Variants in PKIB observed in about 807,000 individuals in gnomAD.
PKIB encodes cAMP-dependent protein kinase inhibitor beta, also known as PKI-beta.
Under a neutral mutation model 4.5 loss-of-function variants are expected in PKIB, and 2 were observed. The observed-to-expected ratio is 0.44, with a 90% CI of 0.18 to 1.39. The LOEUF (loss-of-function observed/expected upper bound fraction) is 1.39. Ranked by LOEUF, PKIB falls within the 40% of genes most tolerant of loss-of-function variation. PKIB has a pLI of 0.27. For missense variants in PKIB, 94 were observed against 92.6 expected, an observed-to-expected ratio of 1.02 and a Z score of -0.06; for synonymous variants, 38 against 36.0, an observed-to-expected ratio of 1.06 and a Z score of -0.20.
rs76417538 is a variant in PKIB at position 122,499,895 on chromosome 6, A to T, written c.-248+21956A>T. ...GATACAAAATTTATGTACAAAAATC[A>T]GTAGCAATAACATTTAAGTGGAGAT... On this transcript the variant is annotated intron_variant, in intron 2 of 6. Coordinates refer to the PKIB transcript ENST00000392491. Among the ~76,000 whole-genome samples the T allele has an allele frequency of 4.9e-3, 750 of 152,328 alleles. 7 individuals are homozygous for T. The highest frequency in any genetic ancestry group is 0.017 in the African/African-American group (708 of 41,584).
At chr6:122,494,786 T>C (rs562237222) in intron 2 of PKIB, among the ~76,000 whole-genome samples, 22 of 152,162 alleles carry the variant, frequency 1.4e-4, no homozygotes, top group African/African-American at 4.6e-4. Context: ...TCAGAACTGG[T>C]GTGGAGCCAG....
intron 2 of PKIB, among the ~76,000 whole-genome samples, chr6:122,579,541 C>A (rs755662523): frequency 5.9e-5 from 9 of 152,094 alleles, no homozygotes; most frequent in African/African-American, 1.9e-4. Flanking sequence ...GTATATTACT[C>A]ATATTTATGG....
chr6:122,722,732 G>A (rs1318814051), intron 4 of PKIB, among the ~76,000 whole-genome samples: 1 of 152,028 alleles, frequency 6.6e-6, no homozygotes, highest in East Asian at 1.9e-4. Flanking sequence ...TGATTGTTAG[G>A]GTGCAAATTC....
chr6:122,629,076 T>G (rs909098370), intron 1 of PKIB, among the ~76,000 whole-genome samples: 1 of 152,114 alleles, frequency 6.6e-6, no homozygotes, highest in Admixed American at 6.6e-5. Context: ...AATAATCAGC[T>G]GGGGAAATGA....
At chr6:122,594,966 C>T (rs968215579) in intron 3 of PKIB, among the ~76,000 whole-genome samples, 1 of 152,184 alleles carries the variant, frequency 6.6e-6, no homozygotes, top group East Asian at 1.9e-4. Flanking sequence ...GGTAGAAGGA[C>T]CCCAAAGTGT....
intron 3 of PKIB, chr6:122,701,096 C>T (rs749270108): frequency 1.5e-5 from 3 of 194,162 alleles, no homozygotes; most frequent in East Asian, 1.3e-4. Context: ...ATCTGCACCT[C>T]GATGCCCTTC....
chr6:122,491,013 G>T (rs1184509639), intron 2 of PKIB, among the ~76,000 whole-genome samples: 2 of 152,078 alleles, frequency 1.3e-5, no homozygotes, highest in Non-Finnish European at 2.9e-5. Flanking sequence ...AAAATTTGAG[G>T]GGCATAAAGG....
chr6:122,714,482 A>C (rs1779399823), intron 3 of PKIB, among the ~76,000 whole-genome samples: 1 of 152,206 alleles, frequency 6.6e-6, no homozygotes, highest in African/African-American at 2.4e-5. Flanking sequence ...TACAAAAAGG[A>C]CTAATTAGAA....
chr6:122,702,794 A>T (rs931547883), intron 3 of PKIB, among the ~76,000 whole-genome samples: 1 of 152,192 alleles, frequency 6.6e-6, no homozygotes, highest in Non-Finnish European at 1.5e-5. Flanking sequence ...TGAGAAGAAT[A>T]TATTTTAGTA....
chr6:122,609,226 C>T (rs1052472127), upstream of PKIB, among the ~76,000 whole-genome samples: 2 of 152,108 alleles, frequency 1.3e-5, no homozygotes, highest in African/African-American at 4.8e-5. Context: ...GCTTTATTAG[C>T]AGAGTATAAT....
At chr6:122,485,465 T>G (rs564104979) in intron 2 of PKIB, among the ~76,000 whole-genome samples, 69 of 152,320 alleles carry the variant, frequency 4.5e-4, no homozygotes, top group African/African-American at 1.5e-3. Flanking sequence ...CAAAGTGGCA[T>G]CATTCTTTAG....
chr6:122,707,371 T>A (rs1363106781), intron 3 of PKIB, among the ~76,000 whole-genome samples: 1 of 152,076 alleles, frequency 6.6e-6, no homozygotes, highest in Admixed American at 6.6e-5. Flanking sequence ...ATTTCTCTCC[T>A]TTTCTTTGTT....
intron 2 of PKIB, among the ~76,000 whole-genome samples, chr6:122,530,296 C>T (rs1025424669): frequency 6.6e-6 from 1 of 152,040 alleles, no homozygotes; most frequent in African/African-American, 2.4e-5. Flanking sequence ...TTTCCATTGA[C>T]TTGTCCATAT....
intron 2 of PKIB, among the ~76,000 whole-genome samples, chr6:122,537,291 A>G (rs9388089): frequency 0.13 from 20,373 of 151,960 alleles, 1,500 homozygotes; most frequent in East Asian, 0.25. Context: ...AGCATTAGGT[A>G]TATCTCCTAA....
In PKIB at chr6:122,505,478, C is replaced by T. The variant is rs187359618; in HGVS notation, c.-248+27539C>T. Among the ~76,000 whole-genome samples, 1,483 of 152,130 alleles carry T rather than the reference C, an allele frequency of 9.7e-3. 11 individuals carry two copies. Among genetic ancestry groups the T allele is most frequent in the Non-Finnish European group, 0.015 (994 of 67,996 alleles). On this transcript the variant is annotated intron_variant, in intron 2 of 6. Transcript: ENST00000392491. ...CTGGTCTCTCTCCAGAGGTGTCTTTCGCATCTGTAGACTAAAAGTAAACAG... is the reference window on the plus strand; with the variant it reads ...CTGGTCTCTCTCCAGAGGTGTCTTTTGCATCTGTAGACTAAAAGTAAACAG...
At chr6:122,538,752 C>A (rs1777489221) in intron 2 of PKIB, among the ~76,000 whole-genome samples, 1 of 152,060 alleles carries the variant, frequency 6.6e-6, no homozygotes, top group African/African-American at 2.4e-5. Flanking sequence ...GGCATTGAAT[C>A]TATAAATTAC....
chr6:122,691,628 A>G (rs140792324), intron 3 of PKIB, among the ~76,000 whole-genome samples: 4 of 152,078 alleles, frequency 2.6e-5, no homozygotes, highest in Non-Finnish European at 5.9e-5. Flanking sequence ...ACTTTCCTCA[A>G]AACAGCTAAT....
chr6:122,476,539 A>T (rs9388077), intron 1 of PKIB, among the ~76,000 whole-genome samples: 17,144 of 152,210 alleles, frequency 0.11, 1,230 homozygotes, highest in East Asian at 0.21. Context: ...TTTTGCTGAA[A>T]TCTAAGCCTA....
At chr6:122,558,491 ATG>A (rs1742793721) in intron 2 of PKIB, among the ~76,000 whole-genome samples, 1 of 152,172 alleles carries the variant, frequency 6.6e-6, no homozygotes, top group Non-Finnish European at 1.5e-5. Flanking sequence ...CAAACCTCAC[ATG>A]TTGGAAATAG....
Sources: allele counts gnomAD v4.1 joint callset (sites outside exome capture counted in the v4.1 genomes callset), GRCh38; gene constraint gnomAD v4.1.1; transcripts MANE v1.5; gene names NCBI Gene and HGNC (gene_info 2026-07-23, HGNC 2026-07-21).